Variants in CAP2 observed in about 807,000 individuals in gnomAD.
CAP2 encodes cyclase associated actin cytoskeleton regulatory protein 2, also known as adenylyl cyclase-associated protein 2.
Under a neutral mutation model 57.7 loss-of-function variants are expected in CAP2, and 24 were observed. The observed-to-expected ratio is 0.42, with a 90% CI of 0.30 to 0.58. CAP2 has a LOEUF of 0.58. Ranked by LOEUF, CAP2 falls within the 20% of genes least tolerant of loss-of-function variation. The pLI is 0.22. For missense variants in CAP2, 501 were observed against 590.3 expected (o/e 0.85, Z 1.57); for synonymous variants, 194 against 207.2 (o/e 0.94, Z 0.55).
chr6:17,442,242 G>C (rs956834468), intron 3 of CAP2, among the ~76,000 whole-genome samples: 3 of 152,120 alleles, frequency 2.0e-5, no homozygotes, highest in Admixed American at 6.6e-5. Flanking sequence ...AGGAAACCTG[G>C]GTTTCACCTC....
At chr6:17,458,652 A>G (rs1474443599) in intron 3 of CAP2, among the ~76,000 whole-genome samples, 2 of 152,194 alleles carry the variant, frequency 1.3e-5, no homozygotes, top group Non-Finnish European at 2.9e-5. Flanking sequence ...AAATTAACCT[A>G]ATCCTCCTGT....
intron 1 of CAP2, among the ~76,000 whole-genome samples, chr6:17,409,478 G>A (rs1272840393): frequency 6.6e-6 from 1 of 152,114 alleles, no homozygotes; most frequent in Non-Finnish European, 1.5e-5. Flanking sequence ...CACTCACTGG[G>A]TACAGAGCAC....
At chr6:17,556,199 C>T (rs772240146) in intron 12 of CAP2, among the ~76,000 whole-genome samples, 160 bp from the exon 13 acceptor site, 14 of 152,178 alleles carry the variant, frequency 9.2e-5, no homozygotes, top group Non-Finnish European at 1.6e-4. Flanking sequence ...CAAGTCTCCA[C>T]GTGACAAAGA....
chr6:17,482,507 C>CAAAAAA (rs60053497), intron 4 of CAP2, among the ~76,000 whole-genome samples: 14 of 70,796 alleles, frequency 2.0e-4, no homozygotes, highest in South Asian at 5.5e-4. Flanking sequence ...GACTCCATCT[C>CAAAAAA]AAAAAAAAAA....
intron 6 of CAP2, among the ~76,000 whole-genome samples, chr6:17,511,562 C>T (rs906936855): frequency 6.6e-6 from 1 of 152,162 alleles, no homozygotes; most frequent in Non-Finnish European, 1.5e-5. Flanking sequence ...AGCAGTTCTC[C>T]TGCCTCAGCC....
chr6:17,474,471 C>T (rs889424492), intron 4 of CAP2, among the ~76,000 whole-genome samples: 2 of 152,130 alleles, frequency 1.3e-5, no homozygotes, highest in Non-Finnish European at 2.9e-5. Context: ...TACTGCAGCC[C>T]TCTTTAATTT....
intron 3 of CAP2, among the ~76,000 whole-genome samples, chr6:17,449,409 T>G (rs1581528570): frequency 6.6e-6 from 1 of 152,024 alleles, no homozygotes; most frequent in East Asian, 1.9e-4. Context: ...ATTTTATTAT[T>G]ATTATTTTTT....
intron 7 of CAP2, among the ~76,000 whole-genome samples, chr6:17,537,260 C>G (rs1762795900): frequency 6.6e-6 from 1 of 152,100 alleles, no homozygotes; most frequent in Non-Finnish European, 1.5e-5. Flanking sequence ...GATCTCAACT[C>G]ACTGCAACCT....
intron 4 of CAP2, among the ~76,000 whole-genome samples, chr6:17,493,838 C>T (rs1761602396): frequency 1.3e-5 from 2 of 151,504 alleles, no homozygotes; most frequent in African/African-American, 4.9e-5. Flanking sequence ...CAGTTGTGGC[C>T]CCTGGGAACA....
intron 1 of CAP2, among the ~76,000 whole-genome samples, chr6:17,403,997 T>TA (rs1387860344): frequency 1.3e-5 from 2 of 152,126 alleles, no homozygotes; most frequent in African/African-American, 4.8e-5. Context: ...TATATACAAG[T>TA]AAAAAAATTG....
At chr6:17,539,525 G>A (rs369152850) in intron 8 of CAP2, 67 bp downstream of exon 8, 204 of 1,244,658 alleles carry the variant, frequency 1.6e-4, no homozygotes, top group African/African-American at 1.1e-3. Context: ...CAAAAGAGCC[G>A]CTGGAGCCCC....
intron 12 of CAP2, 123 bp from the exon 13 acceptor site, chr6:17,556,236 G>A (rs1295891586): frequency 1.2e-5 from 8 of 682,052 alleles, no homozygotes; most frequent in East Asian, 8.0e-5. Context: ...CTTGCAATTC[G>A]ATCGAATTTC....
intron 4 of CAP2, among the ~76,000 whole-genome samples, chr6:17,474,776 G>A (rs933856965): frequency 2.6e-5 from 4 of 152,096 alleles, no homozygotes; most frequent in Admixed American, 1.3e-4. Flanking sequence ...GAGCCTCAGG[G>A]ATCTTTAGAG....
intron 7 of CAP2, chr6:17,536,143 G>A: frequency 4.4e-6 from 2 of 451,316 alleles, no homozygotes; most frequent in Admixed American, 4.8e-5. Context: ...TTTTTCTTGG[G>A]ACATCTGAAG....
intron 4 of CAP2, among the ~76,000 whole-genome samples, chr6:17,472,670 C>T (rs1224103156): frequency 6.6e-6 from 1 of 152,094 alleles, no homozygotes; most frequent in Non-Finnish European, 1.5e-5. Context: ...ACGGCTACTG[C>T]CCGTGCTGGA....
intron 3 of CAP2, among the ~76,000 whole-genome samples, chr6:17,454,253 C>G (rs907913290): frequency 6.6e-6 from 1 of 151,860 alleles, no homozygotes; most frequent in East Asian, 1.9e-4. Flanking sequence ...GGGAGACCAC[C>G]GTGACTGGAG....
chr6:17,537,397 A>T (rs1315066364), intron 7 of CAP2, among the ~76,000 whole-genome samples: 2 of 152,094 alleles, frequency 1.3e-5, no homozygotes, highest in East Asian at 3.9e-4. Flanking sequence ...TTTGTTGCCC[A>T]GGCTGGTTTC....
rs372759267 is a variant in CAP2, at chr6:17,421,545, G to C, written c.-1-10G>C. Reference sequence around the variant, plus strand: ...TCACGCAGCCTCCATTTGTGCCTGTGCTTTTCTAGAATGGCCAACATGCAG... The same window carrying C: ...TCACGCAGCCTCCATTTGTGCCTGTCCTTTTCTAGAATGGCCAACATGCAG... On this transcript the variant is annotated splice_polypyrimidine_tract_variant and intron_variant, in intron 1 of 12. Coordinates refer to ENST00000229922, the MANE Select transcript of CAP2 (RefSeq NM_006366.3). The C allele has an allele frequency of 3.1e-6, 5 of 1,614,036 alleles. No individual in the cohort carries two copies. In the African/African-American group the frequency reaches 6.7e-5, roughly 22 times the overall value.
chr6:17,462,932 G>T, intron 3 of CAP2, 64 bp from the exon 4 acceptor site: 2 of 1,313,022 alleles, frequency 1.5e-6, no homozygotes, highest in Admixed American at 1.7e-5. Flanking sequence ...GGAATTGCCA[G>T]ATTATATGGT....
Sources: allele counts gnomAD v4.1 joint callset (sites outside exome capture counted in the v4.1 genomes callset), GRCh38; gene constraint gnomAD v4.1.1; transcripts MANE v1.5; gene names NCBI Gene and HGNC (gene_info 2026-07-23, HGNC 2026-07-21).